The following FGF14 variants were observed in gnomAD, a reference collection of about 807,000 sequenced individuals.
The protein encoded by FGF14 is fibroblast growth factor homologous factor 4.
A neutral mutation model predicts 25.5 loss-of-function variants in FGF14; 5 were observed. The observed-to-expected ratio is 0.20, with a 90% CI of 0.10 to 0.41. The LOEUF (loss-of-function observed/expected upper bound fraction) is 0.41. Ranked by LOEUF, FGF14 falls within the 10% of genes least tolerant of loss-of-function variation. The probability of loss-of-function intolerance (pLI) is 1.00; values close to 1 mark genes in which losing one functional copy is unlikely to be tolerated. For synonymous variants in FGF14, 138 were observed against 118.3 expected (o/e 1.17, Z -1.08); for missense variants, 222 against 320.1 (o/e 0.69, Z 2.34).
intron 1 of FGF14, among the ~76,000 whole-genome samples, chr13:102,015,499 T>A (rs61571616): frequency 0.022 from 3,277 of 152,296 alleles, 106 homozygotes; most frequent in African/African-American, 0.073. Context: ...TTATCAACCA[T>A]TGTTCTTAGC....
At chr13:102,187,085 C>T (rs16959921) in intron 1 of FGF14, among the ~76,000 whole-genome samples, 22,119 of 152,164 alleles carry the variant, frequency 0.15, 1,890 homozygotes, top group Middle Eastern at 0.24. Flanking sequence ...ACACAAGCAA[C>T]GCCTCGGTTA....
At chr13:102,227,502 C>T (rs1048700408) in intron 1 of FGF14, among the ~76,000 whole-genome samples, 3 of 152,036 alleles carry the variant, frequency 2.0e-5, no homozygotes, top group African/African-American at 7.2e-5. Context: ...CCCTATGCAT[C>T]CCCACCCTGA....
chr13:101,894,299 C>T (rs143248791), intron 1 of FGF14, among the ~76,000 whole-genome samples: 1,600 of 152,142 alleles, frequency 0.011, 24 homozygotes, highest in African/African-American at 0.036. Context: ...TTAAATTCAC[C>T]TTTGTGTGAT....
At chr13:102,036,706 C>T (rs186314924) in intron 1 of FGF14, among the ~76,000 whole-genome samples, 13 of 151,630 alleles carry the variant, frequency 8.6e-5, no homozygotes, top group African/African-American at 2.2e-4. Flanking sequence ...AGGAGGAGGA[C>T]GAAGAAGAAA....
intron 1 of FGF14, among the ~76,000 whole-genome samples, chr13:101,882,590 T>A (rs2493576): frequency 0.35 from 52,368 of 151,366 alleles, 9,400 homozygotes; most frequent in African/African-American, 0.43. Context: ...CCAGGAAGCA[T>A]TTCTTTAAAT....
intron 1 of FGF14, among the ~76,000 whole-genome samples, chr13:102,039,983 A>G (rs1035736051): frequency 2.0e-5 from 3 of 151,970 alleles, no homozygotes; most frequent in African/African-American, 7.3e-5. Context: ...TGTTAAAAAA[A>G]AAAATCCTCT....
chr13:101,770,351 C>G (rs1385654351), intron 3 of FGF14, among the ~76,000 whole-genome samples: 1 of 151,858 alleles, frequency 6.6e-6, no homozygotes, highest in Non-Finnish European at 1.5e-5. Context: ...ATTAGTGAGA[C>G]TACAAAACAC....
chr13:101,943,828 T>TATATATATATATATATATATACACAC (rs1482940479), intron 1 of FGF14, among the ~76,000 whole-genome samples: 1,375 of 133,646 alleles, frequency 0.01, 29 homozygotes, highest in African/African-American at 0.04. Context: ...AAAAAAAAAA[T>TATATATATATATATATATATACACAC]ATATATATAT....
At chr13:101,879,864 A>G (rs1171963672) in intron 1 of FGF14, among the ~76,000 whole-genome samples, 1 of 152,210 alleles carries the variant, frequency 6.6e-6, no homozygotes. Flanking sequence ...AGCAGAAAAT[A>G]GTATTTGAAT....
intron 1 of FGF14, among the ~76,000 whole-genome samples, chr13:102,090,846 G>T (rs1467622402): frequency 6.6e-6 from 1 of 152,228 alleles, no homozygotes; most frequent in Non-Finnish European, 1.5e-5. Context: ...CCTTGAAGCT[G>T]AGATCAGATG....
intron 1 of FGF14, among the ~76,000 whole-genome samples, chr13:101,914,119 C>A (rs2033229561): frequency 1.3e-5 from 2 of 151,740 alleles, no homozygotes; most frequent in South Asian, 4.2e-4. Context: ...TTTCTGAGGG[C>A]AATTCCCTAT....
At chr13:101,754,017 G>A (rs781218953) in intron 3 of FGF14, among the ~76,000 whole-genome samples, 1 of 152,142 alleles carries the variant, frequency 6.6e-6, no homozygotes, top group Non-Finnish European at 1.5e-5. Flanking sequence ...GCCAAATCTG[G>A]AGACCACGTA....
At position 101,722,827 on chromosome 13, in the gene FGF14, C is replaced by T. The variant is rs368114142; in HGVS notation, c.*4G>A. The T allele has an allele frequency of 6.2e-7, 1 of 1,613,210 alleles. No homozygotes were observed. The highest frequency in any genetic ancestry group is 8.5e-7 in the Non-Finnish European group (1 of 1,179,438). On this transcript the variant is annotated 3_prime_UTR_variant, in exon 5 of 5. Coordinates refer to ENST00000376143, the MANE Select transcript of FGF14 (RefSeq NM_004115.4). ...AATAAGTCACAACACCTGTGAGGAT[C>T]TGGCTATGTTGTCTTACTCTTGTTG...
At chr13:101,919,547 G>A (rs138083641), upstream of FGF14, among the ~76,000 whole-genome samples, 23 of 151,810 alleles carry the variant, frequency 1.5e-4, no homozygotes, top group East Asian at 4.3e-3. Context: ...GGACTTGGGG[G>A]TCAGGAGGTC....
intron 3 of FGF14, among the ~76,000 whole-genome samples, chr13:101,789,160 G>A (rs2040085805): frequency 6.6e-6 from 1 of 151,770 alleles, no homozygotes; most frequent in Middle Eastern, 3.4e-3. Flanking sequence ...ACATGTGTAA[G>A]AACTTTTCCA....
At chr13:102,158,538 G>A (rs1323240325) in intron 1 of FGF14, among the ~76,000 whole-genome samples, 1 of 150,888 alleles carries the variant, frequency 6.6e-6, no homozygotes, top group African/African-American at 2.4e-5. Flanking sequence ...GGGTAGCGGG[G>A]GGGGGATACA....
intron 3 of FGF14, among the ~76,000 whole-genome samples, chr13:101,821,163 T>C (rs982232055): frequency 6.6e-5 from 10 of 152,214 alleles, no homozygotes; most frequent in Admixed American, 6.5e-4. Flanking sequence ...TCAGCCAGGA[T>C]GTTCTCGATC....
intron 3 of FGF14, among the ~76,000 whole-genome samples, chr13:101,727,117 T>A (rs905887725): frequency 6.6e-6 from 1 of 152,030 alleles, no homozygotes; most frequent in African/African-American, 2.4e-5. Context: ...AAAGGGAGCA[T>A]TAAAGTAGCA....
At chr13:102,161,697 G>GTCATATTACCCC (rs1566765920) in intron 1 of FGF14, among the ~76,000 whole-genome samples, 1 of 117,398 alleles carries the variant, frequency 8.5e-6, no homozygotes, top group Non-Finnish European at 1.9e-5. Context: ...AGAAGAAGAA[G>GTCATATTACCCC]AAGAAGAAGA....
Sources: gnomAD v4.1 joint callset for allele counts (sites outside exome capture counted in the v4.1 genomes callset) on GRCh38, gnomAD v4.1.1 for gene constraint, MANE v1.5 for transcripts, NCBI Gene and HGNC (gene_info 2026-07-23, HGNC 2026-07-21) for gene names.